The following PRKCZ variants were observed in gnomAD, a reference collection of about 807,000 sequenced individuals.
The protein encoded by PRKCZ is protein kinase C zeta type.
Under a neutral mutation model 79.5 loss-of-function variants are expected in PRKCZ, and 33 were observed. The ratio of observed to expected loss-of-function variants is 0.41; its 90% confidence interval spans 0.31 to 0.55. The LOEUF is 0.55. Ranked by LOEUF, PRKCZ falls within the 20% of genes least tolerant of loss-of-function variation. PRKCZ has a pLI of 0.19. For missense variants in PRKCZ, 578 were observed against 813.5 expected (o/e 0.71, Z 3.52); for synonymous variants, 342 against 320.9 (o/e 1.07, Z -0.70).
rs987896763 is a variant in PRKCZ at position 2,075,872 on chromosome 1, G to A, written c.334+16281G>A. ...GTTCCCGTGCTTGTGACCTGCTCTC[G>A]TGTGTGTAGCAGCGGGGGCTGCGTC... On this transcript the variant is annotated intron_variant, in intron 4 of 17. Coordinates refer to ENST00000378567, the MANE Select transcript of PRKCZ (RefSeq NM_002744.6). The surrounding 1 kb of genome is among the most constrained non-coding windows in gnomAD (Gnocchi z 4.8). 1.3e-5 allele frequency among the ~76,000 whole-genome samples: 2 copies of A among 152,230 alleles called. No individual in the cohort carries two copies. The highest frequency in any genetic ancestry group is 4.8e-5 in the African/African-American group (2 of 41,458).
intron 4 of PRKCZ, among the ~76,000 whole-genome samples, chr1:2,059,921 C>G (rs1660517627): frequency 6.6e-6 from 1 of 152,232 alleles, no homozygotes; most frequent in South Asian, 2.1e-4. Flanking sequence ...ACGACCACCC[C>G]TAGGCCAGTC....
intron 10 of PRKCZ, among the ~76,000 whole-genome samples, chr1:2,163,790 T>A (rs1682787638): frequency 6.6e-6 from 1 of 151,542 alleles, no homozygotes; most frequent in Non-Finnish European, 1.5e-5. Flanking sequence ...TCTCAGCTAC[T>A]TGGGAGGCTG....
chr1:2,059,981 G>GTTCATCCCACACTGGCTCCA (rs1660524161), intron 4 of PRKCZ, among the ~76,000 whole-genome samples: 1 of 152,216 alleles, frequency 6.6e-6, no homozygotes, highest in Admixed American at 6.5e-5. Flanking sequence ...TGGGGGCTCC[G>GTTCATCCCACACTGGCTCCA]TTCATCCCAC....
rs556944740 is a variant in PRKCZ at position 2,074,628 on chromosome 1, C to T, written c.334+15037C>T. 2.5e-4 allele frequency: 101 copies of T among 411,884 alleles called. 1 individual carries two copies. The highest frequency in any genetic ancestry group is 1.7e-3 in the African/African-American group (84 of 49,280). 25.5% of individuals were successfully genotyped at this position (411,884 alleles called of 1,614,324 possible). On this transcript the variant is annotated intron_variant, in intron 4 of 17. Transcript: ENST00000378567. ...CTGCCCTCCCGCCTGTCTGAGCCCCCGTTTTGCATTGACAGTGTTGGGTTG... is the reference window on the plus strand; with the variant it reads ...CTGCCCTCCCGCCTGTCTGAGCCCCTGTTTTGCATTGACAGTGTTGGGTTG...
At chr1:2,131,997 G>A (rs1675064782) in intron 4 of PRKCZ, among the ~76,000 whole-genome samples, 1 of 152,196 alleles carries the variant, frequency 6.6e-6, no homozygotes, top group Non-Finnish European at 1.5e-5. Flanking sequence ...ATTTTTAGTA[G>A]AGACGGGGTT....
At chr1:2,124,426 G>A (rs1673458063) in intron 4 of PRKCZ, among the ~76,000 whole-genome samples, 1 of 150,856 alleles carries the variant, frequency 6.6e-6, no homozygotes, top group African/African-American at 2.4e-5. Flanking sequence ...GGGTCACAGG[G>A]TAGAACCCTT....
intron 4 of PRKCZ, among the ~76,000 whole-genome samples, chr1:2,096,822 C>T (rs928762665): frequency 1.3e-5 from 2 of 152,170 alleles, no homozygotes; most frequent in Non-Finnish European, 2.9e-5. Context: ...ATCCAGACCT[C>T]GCTCTGCAAC....
In PRKCZ at chr1:2,172,713, TG is replaced by T. The variant is rs1299333509; in HGVS notation, c.1285+330del. On this transcript the variant is annotated intron_variant, in intron 13 of 17. Coordinates refer to ENST00000378567, the MANE Select transcript of PRKCZ (RefSeq NM_002744.6). The surrounding 1 kb of genome is among the most constrained non-coding windows in gnomAD (Gnocchi z 7.8). ...TGAGTCCCCGTGCTGCACGAGTGGC[TG>T]GGGGAGAAGCTGTTGTCTGGGGAGC... 6.6e-6 allele frequency among the ~76,000 whole-genome samples: 1 copy of T among 151,826 alleles called. No homozygotes were observed. The highest frequency in any genetic ancestry group is 1.9e-4 in the East Asian group (1 of 5,156).
At chr1:2,126,851 C>T (rs1674004238) in intron 4 of PRKCZ, among the ~76,000 whole-genome samples, 2 of 152,240 alleles carry the variant, frequency 1.3e-5, no homozygotes, top group African/African-American at 4.8e-5. Flanking sequence ...GCCCATCCCT[C>T]CTGGGTCCCT....
At chr1:2,104,736 ACAGG>A (rs1490635329) in intron 4 of PRKCZ, 1 of 985,560 alleles carries the variant, frequency 1.0e-6, no homozygotes, top group African/African-American at 1.7e-5. Context: ...TCGGTGCCAG[ACAGG>A]CAGGACGCAG....
chr1:2,049,758 C>T (rs1480133723), upstream of PRKCZ: 1 of 152,390 alleles, frequency 6.6e-6, no homozygotes, highest in East Asian at 1.9e-4. Flanking sequence ...TTGTCCAGAT[C>T]AAGCCCCTCG....
intron 5 of PRKCZ, chr1:2,143,544 C>T (rs1472449569): frequency 2.6e-5 from 4 of 152,228 alleles, no homozygotes; most frequent in African/African-American, 9.7e-5. Context: ...CAAGCAGGTC[C>T]CGACAACATT....
chr1:2,166,338 G>A (rs577366583), intron 10 of PRKCZ, among the ~76,000 whole-genome samples: 1 of 152,208 alleles, frequency 6.6e-6, no homozygotes, highest in Admixed American at 6.5e-5. Context: ...AGGATTGCCT[G>A]AGCCTGGGAG....
rs372476554 is a variant in PRKCZ, at chr1:2,109,806, A to G, written c.335-25456A>G. On this transcript the variant is annotated intron_variant, in intron 4 of 17. Transcript: ENST00000378567. ...CTGTGGGCCGTGCCACGTCGCTCAG[A>G]TTTTGTGGTGTCGGTGGTGGGAGCC... Among the ~76,000 whole-genome samples, 11 of 152,180 alleles carry G rather than the reference A, an allele frequency of 7.2e-5. No individual in the cohort carries two copies. In the East Asian group the frequency reaches 1.7e-3, roughly 24 times the overall value.
chr1:2,110,846 G>T (rs1489821496), intron 4 of PRKCZ, among the ~76,000 whole-genome samples: 1 of 152,118 alleles, frequency 6.6e-6, no homozygotes, highest in Non-Finnish European at 1.5e-5. Context: ...CCCTGTAGGG[G>T]CTGGTGACAG....
At chr1:2,145,947 C>A in intron 6 of PRKCZ, 80 bp from the exon 7 acceptor site, 2 of 1,293,230 alleles carry the variant, frequency 1.5e-6, no homozygotes, top group Middle Eastern at 1.8e-4. Flanking sequence ...TTTAAAAAGT[C>A]ACAAAGTGTT....
intron 4 of PRKCZ, among the ~76,000 whole-genome samples, chr1:2,119,484 G>C (rs1303722766): frequency 6.6e-6 from 1 of 151,956 alleles, no homozygotes; most frequent in African/African-American, 2.4e-5. Flanking sequence ...CAAAGTGCTG[G>C]GTTTACAGGC....
chr1:2,052,176 A>G (rs1380125384), intron 1 of PRKCZ, among the ~76,000 whole-genome samples: 1 of 152,080 alleles, frequency 6.6e-6, no homozygotes, highest in Non-Finnish European at 1.5e-5. Flanking sequence ...TCCACACCCG[A>G]GGGGCTGCAG....
At chr1:2,088,701 G>T (rs1664958961) in intron 4 of PRKCZ, among the ~76,000 whole-genome samples, 1 of 152,170 alleles carries the variant, frequency 6.6e-6, no homozygotes, top group Non-Finnish European at 1.5e-5. Context: ...CCCAGGTCAT[G>T]TGTGCACAGC....
Sources: gnomAD v4.1 joint callset for allele counts (sites outside exome capture counted in the v4.1 genomes callset) on GRCh38, gnomAD v4.1.1 for gene constraint, Gnocchi (gnomAD v3.1) non-coding constraint, MANE v1.5 for transcripts, NCBI Gene and HGNC (gene_info 2026-07-23, HGNC 2026-07-21) for gene names.